The following PKHD1 variants were observed in gnomAD, a reference collection of about 807,000 sequenced individuals.
PKHD1 encodes fibrocystin.
Under a neutral mutation model 412.0 loss-of-function variants are expected in PKHD1, and 291 were observed. The observed-to-expected ratio is 0.71, with a 90% CI of 0.64 to 0.78. PKHD1 has a LOEUF of 0.78. Among genes scored for constraint, PKHD1 ranks in the 30% least tolerant of loss-of-function variants. PKHD1 has a pLI of 0.00. For missense variants in PKHD1, 4,825 were observed against 4,950.7 expected (o/e 0.97, Z 0.76); for synonymous variants, 1,777 against 1,821.5 (o/e 0.98, Z 0.62).
At chr6:51,747,226 G>A (rs1785310580) in intron 58 of PKHD1, among the ~76,000 whole-genome samples, 1 of 152,130 alleles carries the variant, frequency 6.6e-6, no homozygotes, top group Non-Finnish European at 1.5e-5. Context: ...TACAATGGTG[G>A]TACAAGAGAT....
intron 54 of PKHD1, among the ~76,000 whole-genome samples, chr6:51,773,396 T>C (rs1790476239): frequency 6.6e-6 from 1 of 151,924 alleles, no homozygotes; most frequent in Non-Finnish European, 1.5e-5. Context: ...TCTTCCTATA[T>C]GTTTTATTGC....
intron 55 of PKHD1, among the ~76,000 whole-genome samples, chr6:51,769,910 T>C (rs1339015620): frequency 6.6e-6 from 1 of 151,656 alleles, no homozygotes; most frequent in East Asian, 1.9e-4. Flanking sequence ...ATTTAGAAGA[T>C]AATTTATTAT....
intron 37 of PKHD1, among the ~76,000 whole-genome samples, chr6:51,917,811 C>T (rs1022428434): frequency 1.3e-5 from 2 of 152,160 alleles, no homozygotes; most frequent in Non-Finnish European, 2.9e-5. Flanking sequence ...AAATGACTCA[C>T]AGGCCCTCCC....
intron 65 of PKHD1, 48 bp downstream of exon 65, chr6:51,632,517 C>CTT: frequency 2.7e-6 from 4 of 1,508,906 alleles, no homozygotes; most frequent in Non-Finnish European, 3.7e-6. Context: ...TGTATGATGA[C>CTT]TTTTTTTTCA....
rs1392957651 is a variant in PKHD1 at position 51,619,233 on chromosome 6, T to C, written c.12073A>G (p.Arg4025Gly). 6.2e-7 allele frequency: 1 copy of C among 1,614,282 alleles called. No individual in the cohort carries two copies. The highest frequency in any genetic ancestry group is 1.7e-5 in the Admixed American group (1 of 60,036). Residue 4025 changes from arginine (R) to glycine (G), a missense_variant, in exon 67 of 67, where the codon AGA (arginine) becomes GGA (glycine). Transcript: ENST00000371117. ...NQLLLLCPDF[R>G]QERQQLPGQS... is the part of the protein sequence containing the mutation. The stretch of plus-strand genomic sequence containing the variant: ...CCTGGCAACTGCTGCCTCTCTTGTC[T>C]GAAGTCTGGGCATAGCAGCAGCAGC...
At chr6:51,843,981 CA>C (rs1770700246) in intron 50 of PKHD1, among the ~76,000 whole-genome samples, 1 of 152,018 alleles carries the variant, frequency 6.6e-6, no homozygotes, top group Non-Finnish European at 1.5e-5. Context: ...ATTTATCTCA[CA>C]AAAATCTAGT....
In PKHD1 at chr6:51,659,067, G is replaced by A; in HGVS notation, c.11059C>T (p.Gln3687Ter). The A allele has an allele frequency of 6.2e-7, 1 of 1,613,636 alleles. No homozygotes were observed. Among genetic ancestry groups the A allele is most frequent in the Non-Finnish European group, 8.5e-7 (1 of 1,179,696 alleles). ...MISSLSSNKL[Q>*]NLAHRVITAQ... is the part of the protein sequence containing the mutation. ...GTGATGACTCGATGAGCCAAATTCTGTAATTTGTTACTTGATAAGGATGAA... is the reference window on the plus strand; with the variant it reads ...GTGATGACTCGATGAGCCAAATTCTATAATTTGTTACTTGATAAGGATGAA... Residue 3687 changes from glutamine (Q) to a stop codon, truncating the protein, a stop_gained, in exon 61 of 67, where the codon CAG becomes TAG. Coordinates refer to ENST00000371117, the MANE Select transcript of PKHD1 (RefSeq NM_138694.4). LOFTEE classifies it high-confidence loss of function.
chr6:51,910,857 C>T (rs1025644894), intron 39 of PKHD1, among the ~76,000 whole-genome samples: 2 of 152,072 alleles, frequency 1.3e-5, no homozygotes, highest in East Asian at 3.9e-4. Flanking sequence ...TGCCTCTCTA[C>T]TTCTAACAAC....
chr6:51,708,432 T>C (rs1163327794), intron 60 of PKHD1, among the ~76,000 whole-genome samples: 2 of 152,240 alleles, frequency 1.3e-5, no homozygotes, highest in East Asian at 3.8e-4. Flanking sequence ...ACAGTCAGAA[T>C]ACTCTTTTAA....
intron 16 of PKHD1, among the ~76,000 whole-genome samples, chr6:52,057,772 C>T (rs1017300300): frequency 9.9e-5 from 15 of 151,786 alleles, no homozygotes; most frequent in African/African-American, 2.9e-4. Flanking sequence ...GTTATTTGTG[C>T]ACATGTTTTA....
intron 5 of PKHD1, among the ~76,000 whole-genome samples, chr6:52,077,751 G>A (rs944695479): frequency 7.2e-5 from 11 of 152,234 alleles, no homozygotes; most frequent in African/African-American, 2.2e-4. Flanking sequence ...GAAAATATGT[G>A]GTGTCAGGGG....
intron 35 of PKHD1, among the ~76,000 whole-genome samples, chr6:51,987,068 T>C (rs1796306984): frequency 6.6e-6 from 1 of 152,222 alleles, no homozygotes; most frequent in African/African-American, 2.4e-5. Flanking sequence ...TTGTGACTAC[T>C]ATTAGGTACA....
Position 51,883,080 on chromosome 6 carries a change from C to T in PKHD1, c.7350+13G>A, listed in dbSNP as rs773666967. The T allele has an allele frequency of 9.9e-6, 16 of 1,610,624 alleles. No homozygotes were observed. The highest frequency in any genetic ancestry group is 1.7e-5 in the Admixed American group (1 of 59,928). ...TGATTGACAGCCTAAAACAACCACA[C>T]TAAGGCACTTACCTTGTGGGCAAAA... On this transcript the variant is annotated intron_variant, in intron 46 of 66. Coordinates refer to ENST00000371117, the MANE Select transcript of PKHD1 (RefSeq NM_138694.4).
At chr6:51,927,092 T>C (rs1053462947) in intron 37 of PKHD1, among the ~76,000 whole-genome samples, 4 of 152,170 alleles carry the variant, frequency 2.6e-5, no homozygotes, top group African/African-American at 9.7e-5. Flanking sequence ...ATAAATACTT[T>C]TTTAATTTTC....
intron 2 of PKHD1, 85 bp from the exon 3 acceptor site, chr6:52,083,340 T>C: frequency 1.1e-6 from 1 of 887,220 alleles, no homozygotes; most frequent in Non-Finnish European, 1.9e-6. Context: ...ATATTTAACC[T>C]GCCTCAGAAT....
intron 48 of PKHD1, among the ~76,000 whole-genome samples, chr6:51,867,293 C>T (rs1019512272): frequency 2.6e-5 from 4 of 152,116 alleles, no homozygotes; most frequent in South Asian, 2.1e-4. Context: ...TAAACAGCCC[C>T]GCTGCTGACT....
intron 37 of PKHD1, among the ~76,000 whole-genome samples, chr6:51,916,440 T>C (rs1044189992): frequency 6.6e-6 from 1 of 152,156 alleles, no homozygotes; most frequent in Non-Finnish European, 1.5e-5. Flanking sequence ...ACTATGATTC[T>C]TCAAGGACAA....
Position 51,937,980 on chromosome 6 carries a change from G to A in PKHD1, c.5909-3658C>T, listed in dbSNP as rs1022993242. ...CTAGCCTCACAGGCTGGCTGGCTTTGCTCATTCCTAGGTGTAAGCCAAGCT... is the reference window on the plus strand; with the variant it reads ...CTAGCCTCACAGGCTGGCTGGCTTTACTCATTCCTAGGTGTAAGCCAAGCT... On this transcript the variant is annotated intron_variant, in intron 36 of 66. Transcript: ENST00000371117. Among the ~76,000 whole-genome samples, 8 of 152,214 alleles carry A rather than the reference G, an allele frequency of 5.3e-5. No homozygotes were observed. In the East Asian group the frequency reaches 5.8e-4, roughly 11 times the overall value.
intron 46 of PKHD1, among the ~76,000 whole-genome samples, chr6:51,870,962 C>A (rs373964614): frequency 6.6e-6 from 1 of 151,636 alleles, no homozygotes; most frequent in Non-Finnish European, 1.5e-5. Context: ...TAGGGAAATG[C>A]AAATTAAGAT....
Sources: gnomAD v4.1 joint callset for allele counts (sites outside exome capture counted in the v4.1 genomes callset) on GRCh38, gnomAD v4.1.1 for gene constraint, MANE v1.5 for transcripts, NCBI Gene and HGNC (gene_info 2026-07-23, HGNC 2026-07-21) for gene names.